Variants in PDLIM2 observed in about 807,000 individuals in gnomAD.
PDLIM2 encodes PDZ and LIM domain 2.
PDLIM2 carries 51 observed loss-of-function variants against 54.1 expected under a neutral mutation model. The ratio of observed to expected loss-of-function variants is 0.94; its 90% confidence interval spans 0.75 to 1.19. The LOEUF is 1.19. Among genes scored for constraint, PDLIM2 ranks in the 50% most tolerant of loss-of-function variants. PDLIM2 has a pLI of 0.00. For missense variants in PDLIM2, 912 were observed against 874.0 expected, an observed-to-expected ratio of 1.04 and a Z score of -0.55; for synonymous variants, 398 against 385.6, an observed-to-expected ratio of 1.03 and a Z score of -0.38.
chr8:22,581,030 C>G, intron 2 of PDLIM2: 1 of 659,032 alleles, frequency 1.5e-6, no homozygotes. Flanking sequence ...TGACCTGGGC[C>G]CAGGCTGGGA....
At chr8:22,594,695 C>A, downstream of PDLIM2, 1 of 1,576,216 alleles carries the variant, frequency 6.3e-7, no homozygotes. Context: ...AGGGTTGGGC[C>A]CCCGGGGCCA....
chr8:22,593,747 G>A lies in PDLIM2; in HGVS notation c.1646G>A (p.Arg549His), dbSNP rs775894790. ...CTCCCCTTCAGGAACCAGGCTGTGC[G>A]CATCCAGGAGGGCCGGTACCGCCAC... Residue 549 changes from arginine to histidine, a missense_variant, in exon 10 of 10, where the codon CGC becomes CAC. By Grantham distance (29) the Arg-to-His change is conservative (BLOSUM62 0). Coordinates refer to ENST00000308354, the Ensembl canonical transcript of PDLIM2. 22 of 1,592,492 alleles carry A rather than the reference G, an allele frequency of 1.4e-5. No homozygotes were observed. Among genetic ancestry groups the A allele is most frequent in the South Asian group, 4.6e-5 (4 of 87,370 alleles).
At chr8:22,594,738 T>C (rs767051392), downstream of PDLIM2, 52 of 1,499,598 alleles carry the variant, frequency 3.5e-5, no homozygotes, top group Non-Finnish European at 4.5e-5. Context: ...ACTTCTTTCC[T>C]GGGAGAGACT....
At chr8:22,594,702 G>A (rs930340513), downstream of PDLIM2, 7 of 1,568,020 alleles carry the variant, frequency 4.5e-6, no homozygotes, top group African/African-American at 8.2e-5. Context: ...GGCCCCCGGG[G>A]CCAGGTTGAT....
At chr8:22,591,903 T>A in intron 9 of PDLIM2, 1 of 439,862 alleles carries the variant, frequency 2.3e-6, no homozygotes, top group East Asian at 4.0e-5. Flanking sequence ...CCTTTTCCCA[T>A]CCCTTTTGAT....
exon 3 of PDLIM2, chr8:22,581,445 G>A (rs765594582): frequency 1.2e-5 from 20 of 1,608,244 alleles, no homozygotes; most frequent in African/African-American, 2.7e-5. Flanking sequence ...GGCCATCAAC[G>A]GGGAAAGCGC....
At chr8:22,579,284 TCCGCGC>T in exon 1 of PDLIM2, 1 of 1,377,186 alleles carries the variant, frequency 7.3e-7, no homozygotes, top group Non-Finnish European at 9.3e-7. Context: ...CGGGCTCCTC[TCCGCGC>T]CCCTGTCGGC....
At chr8:22,595,226 T>G (rs1227682237), downstream of PDLIM2, 1 of 152,640 alleles carries the variant, frequency 6.6e-6, no homozygotes, top group Non-Finnish European at 1.5e-5. Flanking sequence ...TGTTGCCTCC[T>G]CAGGCACCTG....
At chr8:22,579,318 T>C in exon 1 of PDLIM2, 2 of 1,425,480 alleles carry the variant, frequency 1.4e-6, no homozygotes, top group South Asian at 1.4e-5. Context: ...CCTGGCCTCG[T>C]CCGCGGCCCA....
At chr8:22,586,358 G>A (rs550020740) in intron 6 of PDLIM2, among the ~76,000 whole-genome samples, 11 of 152,332 alleles carry the variant, frequency 7.2e-5, no homozygotes, top group Admixed American at 1.3e-4. Context: ...TGAAGATGCA[G>A]TTGTAGAGAT....
intron 6 of PDLIM2, chr8:22,588,611 T>C (rs921335567): frequency 1.3e-5 from 2 of 152,360 alleles, no homozygotes; most frequent in African/African-American, 4.8e-5. Flanking sequence ...ATTTCCATGT[T>C]GGGAGCAAAT....
At chr8:22,579,204 GGACAGGTGAGCGGCA>G in exon 1 of PDLIM2, 3 of 1,386,620 alleles carry the variant, frequency 2.2e-6, no homozygotes, top group Non-Finnish European at 2.8e-6. Context: ...GCGCCCAGCC[GGACAGGTGAGCGGCA>G]GCCAGGTGAG....
intron 1 of PDLIM2, 110 bp from the exon 1 acceptor site, chr8:22,580,364 TG>T: frequency 9.9e-7 from 1 of 1,013,602 alleles, no homozygotes; most frequent in Non-Finnish European, 1.4e-6. Context: ...AGTCGCTCCC[TG>T]GGCTGAAGAC....
chr8:22,597,408 G>C (rs1249096363), downstream of PDLIM2: 1 of 152,402 alleles, frequency 6.6e-6, no homozygotes, highest in Admixed American at 6.5e-5. Flanking sequence ...CTCTGAGCTG[G>C]TCCTGGGCCA....
Position 22,580,706 on chromosome 8 carries a change from G to A in PDLIM2, c.843+9G>A, listed in dbSNP as rs773148297. The A allele has an allele frequency of 1.1e-5, 17 of 1,613,384 alleles. No individual in the cohort carries two copies. The highest frequency in any genetic ancestry group is 1.7e-5 in the Admixed American group (1 of 59,974). ...CCATCATGGTGACTAAGGTAAGGAT[G>A]GTGGCTCAAAGAGATGAGAAGGTCC... On this transcript the variant is annotated intron_variant, in intron 2 of 9. Transcript: ENST00000308354.
At chr8:22,591,179 G>T (rs73672775) in intron 8 of PDLIM2, 4,451 of 280,992 alleles carry the variant, frequency 0.016, 198 homozygotes, top group African/African-American at 0.093. Flanking sequence ...GATGTGACAA[G>T]GCATGGAAAA....
intron 3 of PDLIM2, 79 bp downstream of exon 2, chr8:22,581,609 C>A: frequency 1.4e-6 from 2 of 1,475,688 alleles, no homozygotes; most frequent in Admixed American, 2.2e-5. Flanking sequence ...CTTGCTCCTG[C>A]CCATGGGCTA....
chr8:22,593,544 T>C, intron 9 of PDLIM2, 189 bp from the exon 9 acceptor site: 1 of 575,102 alleles, frequency 1.7e-6, no homozygotes, highest in Non-Finnish European at 3.0e-6. Context: ...ACCATTGTAT[T>C]CCAGCCTGGG....
At position 22,589,057 on chromosome 8, in the gene PDLIM2, C is replaced by G. The variant is rs1334122034; in HGVS notation, c.1291-241C>G. ...CGGCAGAACCCGCATGCCTCCCTCC[C>G]TCTCTGGACCCTGGCAGTCTCTGCG... On this transcript the variant is annotated intron_variant, in intron 6 of 9. Coordinates refer to ENST00000308354, the Ensembl canonical transcript of PDLIM2. 1.0e-5 allele frequency: 6 copies of G among 581,384 alleles called. No individual in the cohort carries two copies. In the Admixed American group the frequency reaches 1.6e-4, roughly 15 times the overall value. The allele number at this position is 581,384 out of a possible 1,614,324, so 36.0% of individuals were successfully genotyped here. A position where few individuals can be genotyped will look rare whatever the true frequency, so the allele number is the denominator to read the frequency against.
Sources: gnomAD v4.1 joint callset for allele counts (sites outside exome capture counted in the v4.1 genomes callset) on GRCh38, gnomAD v4.1.1 for gene constraint, MANE v1.5 for transcripts, NCBI Gene and HGNC (gene_info 2026-07-23, HGNC 2026-07-21) for gene names.